SPIDR: variants seen among roughly 807,000 people sequenced by gnomAD.
SPIDR encodes the protein DNA repair-scaffolding protein.
SPIDR carries 93 observed loss-of-function variants against 104.6 expected under a neutral mutation model. That is an observed-to-expected ratio of 0.89 (90% CI 0.75 to 1.06). The LOEUF (loss-of-function observed/expected upper bound fraction) is 1.06, where lower values mean the gene tolerates loss of function less well. Among genes scored for constraint, SPIDR ranks in the 50% least tolerant of loss-of-function variants. SPIDR has a pLI of 0.00. For synonymous variants in SPIDR, 431 were observed against 416.9 expected (o/e 1.03, Z -0.41); for missense variants, 1,154 against 1,111.2 (o/e 1.04, Z -0.55).
intron 8 of SPIDR, among the ~76,000 whole-genome samples, chr8:47,520,861 A>G (rs1216626111): frequency 6.6e-6 from 1 of 152,168 alleles, no homozygotes; most frequent in African/African-American, 2.4e-5. Context: ...GCCCTGAGAA[A>G]ATCTTAACAA....
chr8:47,411,061 A>T (rs1481230536), intron 7 of SPIDR, among the ~76,000 whole-genome samples: 5 of 152,132 alleles, frequency 3.3e-5, no homozygotes, highest in African/African-American at 1.2e-4. Flanking sequence ...GTCTATCATT[A>T]TTGGACATTT....
chr8:47,472,828 A>T (rs1168482104), intron 8 of SPIDR, among the ~76,000 whole-genome samples: 7 of 152,272 alleles, frequency 4.6e-5, no homozygotes, highest in Non-Finnish European at 1.0e-4. Flanking sequence ...ATTAAACATT[A>T]TTGAATGAAT....
intron 10 of SPIDR, among the ~76,000 whole-genome samples, chr8:47,603,772 G>A (rs1239077782): frequency 6.6e-6 from 1 of 152,136 alleles, no homozygotes; most frequent in East Asian, 1.9e-4. Flanking sequence ...TTAAAGTGGA[G>A]AGTTAGTCCT....
At chr8:47,549,479 C>G (rs1302507054) in intron 8 of SPIDR, among the ~76,000 whole-genome samples, 3 of 152,134 alleles carry the variant, frequency 2.0e-5, no homozygotes, top group Non-Finnish European at 4.4e-5. Context: ...GTGTGAGATA[C>G]TATCTCATTG....
In SPIDR at chr8:47,728,939, C is replaced by T; in HGVS notation, c.2442C>T (p.Ala814=). The part of the protein sequence containing the change: ...RLEQRPEDRG[A]FSCGDCSRVV... Reference sequence around the variant, plus strand: ...TTGGCTTTTCATATACCAGAGGCGCCTTTTCCTGTGGGGACTGCTCCCGGG... The same window carrying T: ...TTGGCTTTTCATATACCAGAGGCGCTTTTTCCTGTGGGGACTGCTCCCGGG... Residue 814 remains alanine, a synonymous_variant, in exon 18 of 20, where the codon GCC becomes GCT. Transcript: ENST00000297423. 1.2e-6 allele frequency: 2 copies of T among 1,609,676 alleles called. No individual in the cohort carries two copies. The highest frequency in any genetic ancestry group is 1.7e-6 in the Non-Finnish European group (2 of 1,178,370).
At chr8:47,640,740 C>T (rs796488857) in intron 10 of SPIDR, among the ~76,000 whole-genome samples, 7 of 149,164 alleles carry the variant, frequency 4.7e-5, no homozygotes, top group African/African-American at 4.9e-5. Context: ...TGCAGTGGCA[C>T]GATCTCAGCT....
At chr8:47,680,215 GA>G (rs952905675) in intron 11 of SPIDR, among the ~76,000 whole-genome samples, 1 of 152,110 alleles carries the variant, frequency 6.6e-6, no homozygotes, top group African/African-American at 2.4e-5. Flanking sequence ...TTTTTCACAG[GA>G]AAAAAAGTTG....
intron 8 of SPIDR, among the ~76,000 whole-genome samples, chr8:47,487,620 G>A (rs2154364804): frequency 6.6e-6 from 1 of 152,254 alleles, no homozygotes; most frequent in African/African-American, 2.4e-5. Flanking sequence ...GCACTCCTCA[G>A]CAAATGTATA....
Position 47,504,779 on chromosome 8 carries a change from T to G in SPIDR, c.1097+64237T>G, listed in dbSNP as rs1056994673. ...ATCTTTGTGGTTTTATCTACCTTTG[T>G]GTCTTTGATGATAGTGACGTACAGA... On this transcript the variant is annotated intron_variant, in intron 8 of 19. Transcript: ENST00000297423. Among the ~76,000 whole-genome samples the G allele has an allele frequency of 6.6e-5, 10 of 152,198 alleles. No homozygotes were observed. The East Asian group carries it at 1.3e-3, about 21-fold the overall frequency.
intron 5 of SPIDR, among the ~76,000 whole-genome samples, chr8:47,334,770 A>G (rs2049386202): frequency 1.3e-5 from 2 of 152,170 alleles, no homozygotes; most frequent in South Asian, 4.1e-4. Context: ...GTATAATTGG[A>G]TTAATATCTA....
chr8:47,420,224 C>T (rs183915433), intron 7 of SPIDR, among the ~76,000 whole-genome samples: 1 of 152,118 alleles, frequency 6.6e-6, no homozygotes, highest in Non-Finnish European at 1.5e-5. Flanking sequence ...GTTTTAAAGC[C>T]TCCCATTATT....
At chr8:47,602,122 G>C (rs529396333) in intron 10 of SPIDR, among the ~76,000 whole-genome samples, 2 of 152,268 alleles carry the variant, frequency 1.3e-5, no homozygotes, top group East Asian at 1.9e-4. Context: ...CATGTAGCAC[G>C]AATATTATTA....
chr8:47,336,179 C>G (rs1196687767), intron 5 of SPIDR, among the ~76,000 whole-genome samples: 1 of 151,994 alleles, frequency 6.6e-6, no homozygotes, highest in Non-Finnish European at 1.5e-5. Flanking sequence ...AGTAGTAGTC[C>G]ATTGTATAGA....
Position 47,293,908 on chromosome 8 carries a change from G to A in SPIDR, c.403G>A (p.Ala135Thr). The change falls in exon 5 of 20, where the codon GCA (alanine) becomes ACA (threonine). Residue 135 changes from alanine to threonine, a missense_variant. By Grantham distance (58) the Ala-to-Thr change is moderately conservative. Transcript: ENST00000297423. ...FIDWEIDSDR[A>T]EASDCDEFED... Reference sequence around the variant, plus strand: ...CGACTGGGAGATTGACAGTGACAGGGCAGAGGCTAGTGACTGTGATGAATT... The same window carrying A: ...CGACTGGGAGATTGACAGTGACAGGACAGAGGCTAGTGACTGTGATGAATT... 6.2e-7 allele frequency: 1 copy of A among 1,613,868 alleles called. No homozygotes were observed. The highest frequency in any genetic ancestry group is 2.2e-5 in the East Asian group (1 of 44,880).
chr8:47,683,606 T>A (rs2077363941), intron 11 of SPIDR, among the ~76,000 whole-genome samples: 1 of 152,200 alleles, frequency 6.6e-6, no homozygotes, highest in African/African-American at 2.4e-5. Flanking sequence ...AATTTTGAAA[T>A]ATGTGCATTA....
chr8:47,692,215 G>A (rs1239655744), intron 11 of SPIDR, among the ~76,000 whole-genome samples: 1 of 152,082 alleles, frequency 6.6e-6, no homozygotes, highest in Non-Finnish European at 1.5e-5. Flanking sequence ...TAAAGTGTAC[G>A]AATCATTGGT....
At chr8:47,519,525 C>T (rs774656973) in intron 8 of SPIDR, among the ~76,000 whole-genome samples, 8 of 152,070 alleles carry the variant, frequency 5.3e-5, no homozygotes, top group African/African-American at 1.4e-4. Context: ...GCCTGTAATC[C>T]GAACACTTTT....
At chr8:47,713,760 AT>A in intron 16 of SPIDR, 119 bp downstream of exon 16, 1 of 1,322,660 alleles carries the variant, frequency 7.6e-7, no homozygotes, top group Non-Finnish European at 1.0e-6. Flanking sequence ...CAGACACTGG[AT>A]ACATAAAGAA....
chr8:47,676,677 A>T (rs572023117), intron 11 of SPIDR, among the ~76,000 whole-genome samples: 12 of 152,212 alleles, frequency 7.9e-5, no homozygotes, highest in Non-Finnish European at 1.8e-4. Context: ...CCTTTTCCCA[A>T]TTGGAAGATA....
Sources: gnomAD v4.1 joint callset for allele counts (sites outside exome capture counted in the v4.1 genomes callset) on GRCh38, gnomAD v4.1.1 for gene constraint, MANE v1.5 for transcripts, NCBI Gene and HGNC (gene_info 2026-07-23, HGNC 2026-07-21) for gene names.